The following PIEZO2 variants were observed in gnomAD, a reference collection of about 807,000 sequenced individuals.
PIEZO2 encodes piezo type mechanosensitive ion channel component 2.
In PIEZO2, 172 loss-of-function variants were observed where a neutral mutation model predicts 337.3. The ratio of observed to expected loss-of-function variants is 0.51; its 90% CI spans 0.45 to 0.58. The LOEUF is 0.58. Ranked by LOEUF, PIEZO2 falls within the 20% of genes least tolerant of loss-of-function variation. PIEZO2 has a pLI of 0.00. For missense variants in PIEZO2, 3,028 were observed against 3,391.3 expected (o/e 0.89, Z 2.66); for synonymous variants, 1,251 against 1,228.5 (o/e 1.02, Z -0.38).
chr18:10,828,356 C>A lies in PIEZO2; in HGVS notation c.918-21082G>T, dbSNP rs551363025. 3.3e-5 allele frequency among the ~76,000 whole-genome samples: 5 copies of A among 152,086 alleles called. No individual in the cohort carries two copies. The highest frequency in any genetic ancestry group is 5.9e-5 in the Non-Finnish European group (4 of 68,012). Reference sequence around the variant, plus strand: ...CCCACTAACTAACCTGGACATCAGACAACGAACCTCTTCAGAATGAGAAAT... The same window carrying A: ...CCCACTAACTAACCTGGACATCAGAAAACGAACCTCTTCAGAATGAGAAAT... On this transcript the variant is annotated intron_variant, in intron 7 of 55. Coordinates refer to ENST00000674853, the MANE Select transcript of PIEZO2 (RefSeq NM_001378183.1). The surrounding 1 kb of genome is among the most constrained non-coding windows in gnomAD (Gnocchi z 4.1).
chr18:10,798,677 C>T (rs1315368481), intron 11 of PIEZO2, among the ~76,000 whole-genome samples: 2 of 152,208 alleles, frequency 1.3e-5, no homozygotes, highest in South Asian at 4.1e-4. Flanking sequence ...TCCGTGTCAG[C>T]ACGCAAAATT....
At chr18:11,015,938 G>C (rs77843080) in intron 2 of PIEZO2, among the ~76,000 whole-genome samples, 10 of 152,032 alleles carry the variant, frequency 6.6e-5, no homozygotes, top group Admixed American at 3.9e-4. Flanking sequence ...TTTTTGTAAG[G>C]CTTCTTTGTT....
At chr18:10,901,948 T>G (rs1422267164) in intron 4 of PIEZO2, among the ~76,000 whole-genome samples, 1 of 149,540 alleles carries the variant, frequency 6.7e-6, no homozygotes, top group Non-Finnish European at 1.5e-5. Flanking sequence ...CTCTCTAGGG[T>G]AGGGGTCCCA....
At position 11,003,108 on chromosome 18, in the gene PIEZO2, C is replaced by T. The variant is rs1322804558; in HGVS notation, c.161-23448G>A. On this transcript the variant is annotated intron_variant, in intron 2 of 55. Coordinates refer to ENST00000674853, the MANE Select transcript of PIEZO2 (RefSeq NM_001378183.1). This position sits in a 1 kb window ranked among gnomAD's most constrained non-coding sequence, Gnocchi z 4.6. ...AGTGACATGTCTTTGCCGTGCCCTC[C>T]CAGGTCTTCCTCCAGCAGGCAGGAT... is the stretch of plus-strand genomic sequence containing the variant. Among the ~76,000 whole-genome samples, 1 of 152,172 alleles carries T rather than the reference C, an allele frequency of 6.6e-6. No homozygotes were observed. Among genetic ancestry groups the T allele is most frequent in the Non-Finnish European group, 1.5e-5 (1 of 68,030 alleles).
At chr18:11,085,468 C>T (rs754259313) in intron 1 of PIEZO2, among the ~76,000 whole-genome samples, 3 of 152,176 alleles carry the variant, frequency 2.0e-5, no homozygotes, top group Non-Finnish European at 4.4e-5. Flanking sequence ...CCCCCTGTAA[C>T]GTATCAGGCA....
intron 2 of PIEZO2, among the ~76,000 whole-genome samples, chr18:10,991,922 C>G (rs1434355043): frequency 1.3e-5 from 2 of 152,202 alleles, no homozygotes; most frequent in African/African-American, 4.8e-5. Flanking sequence ...GATAGCCATT[C>G]TAACCGGTGT....
intron 1 of PIEZO2, among the ~76,000 whole-genome samples, chr18:11,145,573 G>A (rs1463120667): frequency 2.0e-5 from 3 of 152,242 alleles, no homozygotes; most frequent in East Asian, 1.9e-4. Flanking sequence ...ATGTAAAATC[G>A]ATTCTAATGG....
rs2034328130 is a variant in PIEZO2, at chr18:10,973,653, C to T, written c.286+5882G>A. On this transcript the variant is annotated intron_variant, in intron 3 of 55. Transcript: ENST00000674853. This position sits in a 1 kb window ranked among gnomAD's most constrained non-coding sequence, Gnocchi z 4.9. ...AGCGGCAACATCTGCTTTCAGGAAG[C>T]TGGCCCGAGGAGAGAAGAAGGCTGT... Among the ~76,000 whole-genome samples the T allele has an allele frequency of 6.6e-6, 1 of 152,158 alleles. No individual in the cohort carries two copies. The highest frequency in any genetic ancestry group is 2.4e-5 in the African/African-American group (1 of 41,444).
rs550734129 is a variant in PIEZO2 at position 10,903,686 on chromosome 18, T to C, written c.329+7500A>G. Among the ~76,000 whole-genome samples the C allele has an allele frequency of 2.3e-3, 349 of 151,904 alleles. 2 individuals carry two copies. The highest frequency in any genetic ancestry group is 7.1e-3 in the African/African-American group (296 of 41,432). On this transcript the variant is annotated intron_variant, in intron 4 of 55. Transcript: ENST00000674853. This position sits in a 1 kb window ranked among gnomAD's most constrained non-coding sequence, Gnocchi z 4.1. ...AGACTCCATCTCAAAAAAAAAAAGA[T>C]TCAAACTTCTTGGCATTGCCTATAA...
chr18:10,886,380 G>GTGTGTGTGTGTGTGTATA (rs1555669557), intron 4 of PIEZO2, among the ~76,000 whole-genome samples: 1 of 3,038 alleles, frequency 3.3e-4, no homozygotes, highest in African/African-American at 2.8e-3. Context: ...GTGTGTGTGT[G>GTGTGTGTGTGTGTGTATA]TATATATATA....
Position 10,813,276 on chromosome 18 carries a change from G to T in PIEZO2, c.918-6002C>A, listed in dbSNP as rs1214740723. On this transcript the variant is annotated intron_variant, in intron 7 of 55. Coordinates refer to ENST00000674853, the MANE Select transcript of PIEZO2 (RefSeq NM_001378183.1). The surrounding 1 kb of genome is among the most constrained non-coding windows in gnomAD (Gnocchi z 4.2). The stretch of plus-strand genomic sequence containing the variant: ...TTACAGGAGTGAGCCACCGCGCCCG[G>T]GCCATTTTAAACATTTTTAAGAACA... 3.9e-5 allele frequency among the ~76,000 whole-genome samples: 6 copies of T among 152,186 alleles called. No individual in the cohort carries two copies. Among genetic ancestry groups the T allele is most frequent in the African/African-American group, 1.4e-4 (6 of 41,510 alleles).
At chr18:11,068,640 T>G (rs1194414618) in intron 1 of PIEZO2, among the ~76,000 whole-genome samples, 1 of 151,850 alleles carries the variant, frequency 6.6e-6, no homozygotes, top group Non-Finnish European at 1.5e-5. Context: ...AAAGAAAAGC[T>G]AACCAAGCCC....
intron 4 of PIEZO2, among the ~76,000 whole-genome samples, chr18:10,882,842 C>T (rs264206): frequency 0.5 from 64,106 of 127,124 alleles, 17,528 homozygotes; most frequent in East Asian, 0.74. Context: ...TTCTTTTTTT[C>T]TTTTTTTTTT....
In PIEZO2 at chr18:10,705,369, T is replaced by C. The variant is rs1378808196; in HGVS notation, c.5966A>G (p.His1989Arg). Residue 1989 changes from histidine to arginine, a missense_variant, in exon 41 of 56, where the codon CAT becomes CGT. This residue lies in a region of PIEZO2 where 1,925 missense variants were observed against 2,051.9 expected (regional missense o/e 0.94). Coordinates refer to ENST00000674853, the MANE Select transcript of PIEZO2 (RefSeq NM_001378183.1). ...LGSSILPPLT[H>R]ELTASELLLK... ...CAGCAGCTCGCTGGCCGTCAGCTCA[T>C]GGGTCAGGGGAGGTAAGATGCTGGA... is the stretch of plus-strand genomic sequence containing the variant. 9.1e-6 allele frequency: 14 copies of C among 1,536,772 alleles called. No individual in the cohort carries two copies. The South Asian group carries it at 1.1e-4, about 12-fold the overall frequency.
At position 10,953,727 on chromosome 18, in the gene PIEZO2, G is replaced by T. The variant is rs2033398752; in HGVS notation, c.286+25808C>A. Reference sequence around the variant, plus strand: ...ATCGCAACACTGGGCAGATAGATGGGCAGCATTTTATTACCCACATCTACT... The same window carrying T: ...ATCGCAACACTGGGCAGATAGATGGTCAGCATTTTATTACCCACATCTACT... On this transcript the variant is annotated intron_variant, in intron 3 of 55. Transcript: ENST00000674853. This position sits in a 1 kb window ranked among gnomAD's most constrained non-coding sequence, Gnocchi z 5.2. 6.6e-6 allele frequency among the ~76,000 whole-genome samples: 1 copy of T among 152,020 alleles called. No individual in the cohort carries two copies. The highest frequency in any genetic ancestry group is 2.4e-5 in the African/African-American group (1 of 41,344).
chr18:10,880,325 T>A (rs1351479088), intron 4 of PIEZO2, among the ~76,000 whole-genome samples: 1 of 152,214 alleles, frequency 6.6e-6, no homozygotes, highest in Non-Finnish European at 1.5e-5. Flanking sequence ...TGGATACTCA[T>A]GGGAAGACTA....
intron 3 of PIEZO2, among the ~76,000 whole-genome samples, chr18:10,930,611 A>G (rs2032020037): frequency 6.6e-6 from 1 of 152,216 alleles, no homozygotes. Flanking sequence ...CCTTGGCAAA[A>G]ACAAACCTCT....
At chr18:11,011,504 A>T (rs1051226631) in intron 2 of PIEZO2, among the ~76,000 whole-genome samples, 47 of 152,310 alleles carry the variant, frequency 3.1e-4, no homozygotes, top group African/African-American at 1.1e-3. Flanking sequence ...CATAGCTAAT[A>T]ATGTCCTTAT....
chr18:10,796,677 C>T (rs1392177083), intron 12 of PIEZO2, among the ~76,000 whole-genome samples: 3 of 152,170 alleles, frequency 2.0e-5, no homozygotes, highest in African/African-American at 4.8e-5. Context: ...CGCAGCTGAC[C>T]GTTCTCTGCC....
Sources: allele counts gnomAD v4.1 joint callset (sites outside exome capture counted in the v4.1 genomes callset), GRCh38; gene constraint gnomAD v4.1.1; regional missense constraint gnomAD v4.1.1; non-coding constraint Gnocchi (gnomAD v3.1); transcripts MANE v1.5; gene names NCBI Gene and HGNC (gene_info 2026-07-23, HGNC 2026-07-21).